The following LRRTM3 variants were observed in gnomAD, a reference collection of about 807,000 sequenced individuals.
The protein encoded by LRRTM3 is leucine rich repeat transmembrane neuronal 3.
LRRTM3 carries 24 observed loss-of-function variants against 44.7 expected under a neutral mutation model. The ratio of observed to expected loss-of-function variants is 0.54; its 90% confidence interval spans 0.39 to 0.76. The LOEUF is 0.76. Among genes scored for constraint, LRRTM3 ranks in the 30% least tolerant of loss-of-function variants. The pLI, the probability that LRRTM3 is intolerant of heterozygous loss-of-function variation, is 0.00. For synonymous variants in LRRTM3, 277 were observed against 278.7 expected, an observed-to-expected ratio of 0.99 and a Z score of 0.06; for missense variants, 587 against 702.2, an observed-to-expected ratio of 0.84 and a Z score of 1.85.
intron 2 of LRRTM3, among the ~76,000 whole-genome samples, chr10:67,016,082 A>G (rs1852641503): frequency 6.6e-6 from 1 of 151,844 alleles, no homozygotes. Flanking sequence ...TAGAATACGT[A>G]TTTGTTGTGA....
At chr10:67,028,365 C>T (rs1224411706) in intron 2 of LRRTM3, among the ~76,000 whole-genome samples, 1 of 151,748 alleles carries the variant, frequency 6.6e-6, no homozygotes, top group Non-Finnish European at 1.5e-5. Context: ...TTGGAGAGTA[C>T]CTATCATCCA....
intron 2 of LRRTM3, among the ~76,000 whole-genome samples, chr10:66,971,833 T>G (rs1339278710): frequency 1.3e-5 from 2 of 152,096 alleles, no homozygotes; most frequent in Admixed American, 6.6e-5. Context: ...TAACAATAGG[T>G]TCTTCTCTTT....
At position 67,001,390 on chromosome 10, in the gene LRRTM3, C is replaced by G. The variant is rs181299381; in HGVS notation, c.1536+72938C>G. Reference sequence around the variant, plus strand: ...GGGCTGTGAGTTCACTTCTAGAATGCTAGGTACTCATGGAAATTTACCTAA... The same window carrying G: ...GGGCTGTGAGTTCACTTCTAGAATGGTAGGTACTCATGGAAATTTACCTAA... On this transcript the variant is annotated intron_variant, in intron 2 of 2. Coordinates refer to ENST00000361320, the MANE Select transcript of LRRTM3 (RefSeq NM_178011.5). Among the ~76,000 whole-genome samples the G allele has an allele frequency of 2.2e-3, 327 of 150,610 alleles. 2 individuals are homozygous for G. The highest frequency in any genetic ancestry group is 3.8e-3 in the Non-Finnish European group (260 of 67,750).
chr10:67,069,747 A>C (rs1454152031), intron 2 of LRRTM3, among the ~76,000 whole-genome samples: 1 of 152,138 alleles, frequency 6.6e-6, no homozygotes, highest in African/African-American at 2.4e-5. Context: ...ATTGTTATAC[A>C]TGGCTGATAT....
chr10:67,077,967 A>G (rs184849198), intron 2 of LRRTM3, among the ~76,000 whole-genome samples: 43 of 152,314 alleles, frequency 2.8e-4, no homozygotes, highest in African/African-American at 1.0e-3. Context: ...TCTCACCAAC[A>G]GCTTAGAAAG....
At chr10:67,083,694 A>G (rs991482921) in intron 2 of LRRTM3, among the ~76,000 whole-genome samples, 5 of 152,180 alleles carry the variant, frequency 3.3e-5, no homozygotes, top group Admixed American at 1.3e-4. Context: ...TCAATAATAC[A>G]TATATGTCTC....
At chr10:67,019,419 C>T (rs532592173) in intron 2 of LRRTM3, among the ~76,000 whole-genome samples, 2 of 152,012 alleles carry the variant, frequency 1.3e-5, no homozygotes, top group East Asian at 1.9e-4. Context: ...GGTTTCTCCA[C>T]ATTGGTCAAG....
chr10:67,025,271 G>C (rs1314806042), intron 2 of LRRTM3, among the ~76,000 whole-genome samples: 3 of 151,656 alleles, frequency 2.0e-5, no homozygotes, highest in Admixed American at 6.6e-5. Context: ...ACTAAATTCT[G>C]GTATATTTGC....
chr10:67,077,476 A>G (rs967093666), intron 2 of LRRTM3, among the ~76,000 whole-genome samples: 3 of 152,026 alleles, frequency 2.0e-5, no homozygotes, highest in Non-Finnish European at 4.4e-5. Flanking sequence ...CTCCAGTCCA[A>G]CCATTCTGGA....
intron 2 of LRRTM3, among the ~76,000 whole-genome samples, chr10:66,931,496 G>C (rs1201999159): frequency 1.3e-5 from 2 of 152,194 alleles, no homozygotes; most frequent in African/African-American, 4.8e-5. Flanking sequence ...GATTTGGTGA[G>C]TGAACTACCT....
chr10:67,071,355 G>A (rs1353692646), intron 2 of LRRTM3, among the ~76,000 whole-genome samples: 1 of 135,474 alleles, frequency 7.4e-6, no homozygotes, highest in East Asian at 2.1e-4. Context: ...GTCAGAAAAT[G>A]TCTTTGTTTC....
chr10:67,090,638 T>C (rs1466909264), intron 2 of LRRTM3, among the ~76,000 whole-genome samples: 1 of 152,092 alleles, frequency 6.6e-6, no homozygotes, highest in Non-Finnish European at 1.5e-5. Context: ...AGGCTTAAAA[T>C]AGGCAACCTC....
At chr10:67,094,261 T>C (rs1040977629) in intron 2 of LRRTM3, among the ~76,000 whole-genome samples, 6 of 151,874 alleles carry the variant, frequency 4.0e-5, no homozygotes, top group Admixed American at 1.3e-4. Flanking sequence ...TTAAGAATCA[T>C]TGGGTTCCTA....
chr10:66,940,489 A>G (rs1286460943), intron 2 of LRRTM3, among the ~76,000 whole-genome samples: 1 of 152,202 alleles, frequency 6.6e-6, no homozygotes, highest in African/African-American at 2.4e-5. Flanking sequence ...AAATATATGT[A>G]TATTTTGCAT....
chr10:67,078,532 T>A (rs1856858724), intron 2 of LRRTM3, among the ~76,000 whole-genome samples: 1 of 152,130 alleles, frequency 6.6e-6, no homozygotes, highest in African/African-American at 2.4e-5. Context: ...ATTATTATTA[T>A]TTGAGAAGGA....
At chr10:66,971,435 A>T (rs1849720456) in intron 2 of LRRTM3, among the ~76,000 whole-genome samples, 1 of 152,144 alleles carries the variant, frequency 6.6e-6, no homozygotes, top group South Asian at 2.1e-4. Flanking sequence ...TCAAAAAAAA[A>T]AATACATACA....
At chr10:67,065,653 G>T (rs376230946) in intron 2 of LRRTM3, among the ~76,000 whole-genome samples, 4 of 151,980 alleles carry the variant, frequency 2.6e-5, no homozygotes, top group African/African-American at 9.7e-5. Flanking sequence ...TCCAGTGCCT[G>T]GTCCTCCATG....
At chr10:67,052,024 G>T (rs969267592) in intron 2 of LRRTM3, among the ~76,000 whole-genome samples, 2 of 152,036 alleles carry the variant, frequency 1.3e-5, no homozygotes, top group Non-Finnish European at 2.9e-5. Context: ...CAAAGTGCTG[G>T]GATTACAGGC....
At chr10:66,947,395 A>G (rs1347864949) in intron 2 of LRRTM3, among the ~76,000 whole-genome samples, 2 of 152,156 alleles carry the variant, frequency 1.3e-5, no homozygotes, top group African/African-American at 2.4e-5. Context: ...CCATTTCACT[A>G]TATCACAAGG....
Sources: gnomAD v4.1 joint callset for allele counts (sites outside exome capture counted in the v4.1 genomes callset) on GRCh38, gnomAD v4.1.1 for gene constraint, MANE v1.5 for transcripts, NCBI Gene and HGNC (gene_info 2026-07-23, HGNC 2026-07-21) for gene names.